The following NOL9 variants were observed in gnomAD, a reference collection of about 807,000 sequenced individuals.
The protein encoded by NOL9 is polynucleotide 5'-hydroxyl-kinase NOL9.
In NOL9, 28 loss-of-function variants were observed where a neutral mutation model predicts 67.9. That is an observed-to-expected ratio of 0.41 (90% confidence interval 0.31 to 0.57). NOL9 has a LOEUF of 0.57. Among genes scored for constraint, NOL9 ranks in the 20% least tolerant of loss-of-function variants. The pLI is 0.25. For missense variants in NOL9, 777 were observed against 897.0 expected, an observed-to-expected ratio of 0.87 and a Z score of 1.71; for synonymous variants, 356 against 352.2, an observed-to-expected ratio of 1.01 and a Z score of -0.12.
At chr1:6,533,657 A>G (rs1025226559) in intron 6 of NOL9, among the ~76,000 whole-genome samples, 3 of 152,244 alleles carry the variant, frequency 2.0e-5, no homozygotes, top group Non-Finnish European at 4.4e-5. Flanking sequence ...ATAAATGGCT[A>G]ATGCCAATTA....
At chr1:6,545,830 C>T (rs1417898846) in intron 3 of NOL9, among the ~76,000 whole-genome samples, 1 of 144,268 alleles carries the variant, frequency 6.9e-6, no homozygotes, top group Non-Finnish European at 1.5e-5. Context: ...ACAAGAATCG[C>T]TTGAACCCAG....
At chr1:6,553,524 C>CT (rs35449661) in intron 1 of NOL9, among the ~76,000 whole-genome samples, 114,254 of 147,756 alleles carry the variant, frequency 0.77, 45,282 homozygotes, top group Non-Finnish European at 0.86. Flanking sequence ...TAATTGCAAC[C>CT]TTTTTTTTTT....
chr1:6,533,673 T>C (rs1230745614), intron 6 of NOL9, among the ~76,000 whole-genome samples: 1 of 152,254 alleles, frequency 6.6e-6, no homozygotes, highest in Non-Finnish European at 1.5e-5. Context: ...AATTATGTCC[T>C]AACATGGCCA....
chr1:6,548,304 C>T lies in NOL9; in HGVS notation c.744+1267G>A, dbSNP rs561752385. On this transcript the variant is annotated intron_variant, in intron 3 of 11. Coordinates refer to ENST00000377705, the MANE Select transcript of NOL9 (RefSeq NM_024654.5). ...TGGGATTACAGGTGCATGCCCCATG[C>T]CCTGCTAATTTTGTGTATATTTAGT... The T allele has an allele frequency of 1.5e-3, 234 of 157,584 alleles. 1 individual carries two copies. Among genetic ancestry groups the T allele is most frequent in the Non-Finnish European group, 2.6e-3 (184 of 71,132 alleles). 9.8% of individuals were successfully genotyped at this position (157,584 alleles called of 1,614,324 possible).
intron 1 of NOL9, among the ~76,000 whole-genome samples, chr1:6,550,846 G>A (rs754338078): frequency 6.6e-6 from 1 of 152,032 alleles, no homozygotes; most frequent in African/African-American, 2.4e-5. Context: ...ACCACGCCCG[G>A]CTAATTTTGT....
At chr1:6,551,085 G>A (rs750594956) in intron 1 of NOL9, among the ~76,000 whole-genome samples, 9 of 152,204 alleles carry the variant, frequency 5.9e-5, no homozygotes, top group Non-Finnish European at 1.0e-4. Flanking sequence ...GCTGAGACAG[G>A]AGGATCACTT....
rs1183398424 is a variant in NOL9, at chr1:6,554,299, C to T, written c.204G>A (p.Gln68=). 9 of 1,476,706 alleles carry T rather than the reference C, an allele frequency of 6.1e-6. No homozygotes were observed. The highest frequency in any genetic ancestry group is 1.5e-5 in the African/African-American group (1 of 67,768). The allele number at this position is 1,476,706 out of a possible 1,614,324, so 91.5% of individuals were successfully genotyped here. Reference sequence around the variant, plus strand: ...TCCGGGCCGCCGCCGCGCGCGACACCTGGCGGGCTCCCTCCCTCCAGTCCA... The same window carrying T: ...TCCGGGCCGCCGCCGCGCGCGACACTTGGCGGGCTCCCTCCCTCCAGTCCA... The part of the protein sequence containing the change: ...SGVDWREGAR[Q]VSRAAAARRP... The change falls in exon 1 of 12, where the codon CAG becomes CAA. Residue 68 remains glutamine, a synonymous_variant. Coordinates refer to ENST00000377705, the MANE Select transcript of NOL9 (RefSeq NM_024654.5).
chr1:6,535,254 G>A (rs1474223226), intron 6 of NOL9, among the ~76,000 whole-genome samples: 1 of 152,192 alleles, frequency 6.6e-6, no homozygotes, highest in East Asian at 1.9e-4. Flanking sequence ...ACACACCAGA[G>A]GCAACAAGCG....
intron 8 of NOL9, 22 bp from the exon 9 acceptor site, chr1:6,532,101 G>C (rs960440394): frequency 1.3e-6 from 2 of 1,575,168 alleles, no homozygotes; most frequent in East Asian, 2.2e-5. Flanking sequence ...ATCACAACAA[G>C]GTAAGTAGAC....
chr1:6,528,848 GC>G, intron 10 of NOL9, 145 bp downstream of exon 10: 1 of 675,274 alleles, frequency 1.5e-6, no homozygotes, highest in Non-Finnish European at 2.4e-6. Context: ...CTGGCCTCCA[GC>G]CCCTAAGGCG....
At position 6,532,639 on chromosome 1, in the gene NOL9, C is replaced by T; in HGVS notation, c.1359G>A (p.Met453Ile). Residue 453 changes from methionine to isoleucine, a missense_variant, in exon 8 of 12, where the codon ATG (methionine) becomes ATA (isoleucine). Physicochemically the swap from Met to Ile is conservative, Grantham distance 10 (BLOSUM62 1). Coordinates refer to ENST00000377705, the MANE Select transcript of NOL9 (RefSeq NM_024654.5). Reference protein sequence around the residue: ...PDLTPQYVDDMDGLYTKSKTK... With the variant: ...PDLTPQYVDDIDGLYTKSKTK... ...TCTTGCTTTTTGTGTACAAGCCATC[C>T]ATGTCATCTACATACTGCGGGGTAA... is the stretch of plus-strand genomic sequence containing the variant. 2 of 1,614,174 alleles carry T rather than the reference C, an allele frequency of 1.2e-6. No homozygotes were observed. The highest frequency in any genetic ancestry group is 1.1e-5 in the South Asian group (1 of 91,080).
intron 1 of NOL9, among the ~76,000 whole-genome samples, chr1:6,552,869 T>C (rs947970219): frequency 3.3e-5 from 5 of 151,846 alleles, no homozygotes; most frequent in African/African-American, 9.7e-5. Flanking sequence ...TGGAGTGCAA[T>C]GGCGTGATCT....
chr1:6,525,857 C>T lies in NOL9; in HGVS notation c.2106G>A (p.Lys702=), dbSNP rs763758715. The T allele has an allele frequency of 1.9e-6, 3 of 1,614,018 alleles. No homozygotes were observed. Among genetic ancestry groups the T allele is most frequent in the Non-Finnish European group, 2.5e-6 (3 of 1,179,990 alleles). The change falls in exon 12 of 12, where the codon AAG becomes AAA. Residue 702 remains lysine, a synonymous_variant. Coordinates refer to ENST00000377705, the MANE Select transcript of NOL9 (RefSeq NM_024654.5). ...TCCCTTATTAAAAACGCGAGCATCA[C>T]TTCATTTTTCGACAGAACTTAGGTC... is the stretch of plus-strand genomic sequence containing the variant. ...YRRPKFCRKM[K]
rs1638782152 is a variant in NOL9, at chr1:6,522,069, G to A, written c.*3785C>T. The A allele has an allele frequency of 6.6e-6, 1 of 152,292 alleles. No individual in the cohort carries two copies. Among genetic ancestry groups the A allele is most frequent in the South Asian group, 2.1e-4 (1 of 4,834 alleles). 9.4% of individuals were successfully genotyped at this position (152,292 alleles called of 1,614,324 possible). On this transcript the variant is annotated 3_prime_UTR_variant, in exon 12 of 12. Transcript: ENST00000377705. Reference sequence around the variant, plus strand: ...ACCCAAAAACAAATGACCTAGGCCGGGCGCGGTGGCTCACGCCTGTAATCC... The same window carrying A: ...ACCCAAAAACAAATGACCTAGGCCGAGCGCGGTGGCTCACGCCTGTAATCC...
chr1:6,545,083 G>GTAC lies in NOL9; in HGVS notation c.839_841dup (p.Ser280dup). On this transcript the variant is annotated inframe_insertion, in exon 4 of 12. Transcript: ENST00000377705. ...GACTAACTCTTCCAGGGCTGAAAGGGTACTCTCAGTTAACTGAAGGCCTTT... is the reference window on the plus strand; with the variant it reads ...GACTAACTCTTCCAGGGCTGAAAGGGTACTACTCTCAGTTAACTGAAGGCCTTT... 1 of 1,614,148 alleles carries GTAC rather than the reference G, an allele frequency of 6.2e-7. No individual in the cohort carries two copies. The highest frequency in any genetic ancestry group is 8.5e-7 in the Non-Finnish European group (1 of 1,180,036).
At chr1:6,529,569 T>C (rs1277851794) in intron 9 of NOL9, among the ~76,000 whole-genome samples, 2 of 146,776 alleles carry the variant, frequency 1.4e-5, no homozygotes, top group South Asian at 2.2e-4. Flanking sequence ...GCCTGGGTGA[T>C]AGAGCAAGAC....
At chr1:6,541,964 C>G in intron 5 of NOL9, 37 bp from the exon 6 acceptor site, 6 of 1,356,330 alleles carry the variant, frequency 4.4e-6, no homozygotes. Context: ...AAAGAAAATC[C>G]TAACTAGCTT....
chr1:6,527,957 C>T (rs1024673407), intron 10 of NOL9, among the ~76,000 whole-genome samples: 2 of 152,064 alleles, frequency 1.3e-5, no homozygotes, highest in Admixed American at 1.3e-4. Flanking sequence ...CAAAAAAGTC[C>T]TTGATTGTTG....
chr1:6,541,164 T>C (rs1639282924), intron 6 of NOL9, among the ~76,000 whole-genome samples: 1 of 151,966 alleles, frequency 6.6e-6, no homozygotes, highest in South Asian at 2.1e-4. Flanking sequence ...TATAGGCACG[T>C]GCCACCAAAC....
Sources: gnomAD v4.1 joint callset for allele counts (sites outside exome capture counted in the v4.1 genomes callset) on GRCh38, gnomAD v4.1.1 for gene constraint, MANE v1.5 for transcripts, NCBI Gene and HGNC (gene_info 2026-07-23, HGNC 2026-07-21) for gene names.